SRCIN1: variants seen among roughly 807,000 people sequenced by gnomAD.
The protein encoded by SRCIN1 is SRC kinase signaling inhibitor 1.
Under a neutral mutation model 116.2 loss-of-function variants are expected in SRCIN1, and 50 were observed. The ratio of observed to expected loss-of-function variants is 0.43; its 90% confidence interval spans 0.34 to 0.54. SRCIN1 has a LOEUF of 0.54. SRCIN1 is among the 20% of genes least tolerant of loss of function. The probability of loss-of-function intolerance (pLI) is 0.02; values close to 1 mark genes in which losing one functional copy is unlikely to be tolerated. For missense variants in SRCIN1, 1,446 were observed against 1,672.0 expected (o/e 0.86, Z 2.36); for synonymous variants, 736 against 750.0 (o/e 0.98, Z 0.30).
At chr17:38,547,195 T>C (rs950828682) in intron 17 of SRCIN1, among the ~76,000 whole-genome samples, 3 of 152,212 alleles carry the variant, frequency 2.0e-5, no homozygotes, top group African/African-American at 7.2e-5. Context: ...TCGTAGGCCC[T>C]TGGGCTAGTG....
intron 16 of SRCIN1, 118 bp from the exon 17 acceptor site, chr17:38,548,827 C>A: frequency 7.2e-7 from 1 of 1,386,580 alleles, no homozygotes; most frequent in Non-Finnish European, 9.5e-7. Flanking sequence ...TGCTGCTACA[C>A]CCCTGCCAGG....
intron 16 of SRCIN1, 115 bp from the exon 17 acceptor site, chr17:38,548,824 A>C (rs1341454459): frequency 4.3e-6 from 6 of 1,393,530 alleles, no homozygotes; most frequent in Middle Eastern, 2.6e-4. Context: ...TTCTGCTGCT[A>C]CACCCCTGCC....
chr17:38,601,880 AGGGAGGAAGG>A (rs1212174089), intron 1 of SRCIN1, among the ~76,000 whole-genome samples: 2 of 151,992 alleles, frequency 1.3e-5, no homozygotes, highest in Admixed American at 6.6e-5. Context: ...GGGTGGTCAG[AGGGAGGAAGG>A]GGGAGGCAGA....
rs774634523 is a variant in SRCIN1, at chr17:38,549,199, C to T, written c.2974G>A (p.Val992Met). The T allele has an allele frequency of 8.5e-6, 13 of 1,537,604 alleles. No individual in the cohort carries two copies. The Admixed American group carries it at 9.4e-5, about 11-fold the overall frequency. Residue 992 changes from valine to methionine, a missense_variant, in exon 16 of 19, where the codon GTG (valine) becomes ATG (methionine). This residue lies in a region of SRCIN1 where 531 missense variants were observed against 633.9 expected (regional missense o/e 0.84). Transcript: ENST00000617146. ...SGRRGSDELT[V>M]PRYRTEKPSK... ...GGCTTCTCTGTGCGGTATCGGGGCA[C>T]GGTCAACTCATCTGCAGGCACCAAG...
rs1422667731 is a variant in SRCIN1, at chr17:38,551,242, C to T, written c.2875G>A (p.Ala959Thr). Reference sequence around the variant, plus strand: ...GGGGGCTTGTGATCTGGAGTGGGGGCCGGGCCTGGATGGGCCTTGCTGGCA... The same window carrying T: ...GGGGGCTTGTGATCTGGAGTGGGGGTCGGGCCTGGATGGGCCTTGCTGGCA... ...DCASKAHPGP[A>T]PTPDHKPPKA... Residue 959 changes from alanine to threonine, a missense_variant, in exon 15 of 19, where the codon GCC (alanine) becomes ACC (threonine). By Grantham distance (58) the Ala-to-Thr change is moderately conservative (BLOSUM62 0). Transcript: ENST00000617146. The T allele has an allele frequency of 1.2e-6, 2 of 1,611,470 alleles. No homozygotes were observed. Among genetic ancestry groups the T allele is most frequent in the Admixed American group, 3.3e-5 (2 of 59,988 alleles).
intron 2 of SRCIN1, among the ~76,000 whole-genome samples, chr17:38,574,043 A>G (rs1315637327): frequency 3.3e-5 from 5 of 151,946 alleles, no homozygotes; most frequent in Non-Finnish European, 4.4e-5. Context: ...AAAAGCCAAG[A>G]CTTTTTGTCC....
intron 17 of SRCIN1, chr17:38,547,838 C>A: frequency 1.1e-5 from 1 of 92,042 alleles, no homozygotes; most frequent in South Asian, 1.7e-4. Flanking sequence ...CAGCTGGCGG[C>A]GGGGCGTGGG....
In SRCIN1 at chr17:38,572,499, G is replaced by A. The variant is rs1192154215; in HGVS notation, c.325-4268C>T. Among the ~76,000 whole-genome samples the A allele has an allele frequency of 6.6e-6, 1 of 152,026 alleles. No individual in the cohort carries two copies. The highest frequency in any genetic ancestry group is 1.5e-5 in the Non-Finnish European group (1 of 67,966). On this transcript the variant is annotated intron_variant, in intron 2 of 18. Coordinates refer to ENST00000617146, the MANE Select transcript of SRCIN1 (RefSeq NM_025248.3). The surrounding 1 kb of genome is among the most constrained non-coding windows in gnomAD (Gnocchi z 4.3). Reference sequence around the variant, plus strand: ...GCCCACGCCGAAGGCACCTAATGCGGTGGGGGAGGGGAGGAGGCGTTTCTC... The same window carrying A: ...GCCCACGCCGAAGGCACCTAATGCGATGGGGGAGGGGAGGAGGCGTTTCTC...
chr17:38,533,387 C>G lies in SRCIN1; in HGVS notation c.3462G>C (p.Ser1154=), dbSNP rs921341756. The change falls in exon 19 of 19, where the codon TCG becomes TCC. Residue 1154 remains serine, a synonymous_variant. Coordinates refer to ENST00000617146, the MANE Select transcript of SRCIN1 (RefSeq NM_025248.3). ...SKEMSGSNET[S]SPVSEKPSAS... ...CCGAGGGCTTTTCTGAGACTGGGCT[C>G]GAGGTCTCATTCGACCCGCTCATCT... is the stretch of plus-strand genomic sequence containing the variant. 1 of 1,612,044 alleles carries G rather than the reference C, an allele frequency of 6.2e-7. No individual in the cohort carries two copies. Among genetic ancestry groups the G allele is most frequent in the Non-Finnish European group, 8.5e-7 (1 of 1,179,348 alleles).
At position 38,560,445 on chromosome 17, in the gene SRCIN1, G is replaced by A. The variant is rs1267944495; in HGVS notation, c.1701-20C>T. The stretch of plus-strand genomic sequence containing the variant: ...CGCTCCCTGGGGAGGAAGGGGGTCT[G>A]GGCAACCTCGCCTCTGAGCATAGGG... On this transcript the variant is annotated intron_variant, in intron 7 of 18. Transcript: ENST00000617146. 6.3e-7 allele frequency: 1 copy of A among 1,591,636 alleles called. No homozygotes were observed. The highest frequency in any genetic ancestry group is 8.6e-7 in the Non-Finnish European group (1 of 1,168,044).
chr17:38,604,623 G>C lies in SRCIN1; in HGVS notation c.22+1061C>G, dbSNP rs902779636. The C allele has an allele frequency of 1.2e-5, 5 of 431,336 alleles. No individual in the cohort carries two copies. The highest frequency in any genetic ancestry group is 2.3e-5 in the Non-Finnish European group (5 of 215,554). 26.7% of individuals were successfully genotyped at this position (431,336 alleles called of 1,614,324 possible). ...TGCATGGGGACGCGTGGGGCTGGGG[G>C]ACGAGCACCAGCAGCCGCACACGCC... On this transcript the variant is annotated intron_variant, in intron 1 of 18. Transcript: ENST00000617146. The surrounding 1 kb of genome is among the most constrained non-coding windows in gnomAD (Gnocchi z 4.3).
chr17:38,586,187 G>A (rs1908103113), intron 1 of SRCIN1, among the ~76,000 whole-genome samples: 1 of 152,226 alleles, frequency 6.6e-6, no homozygotes, highest in Non-Finnish European at 1.5e-5. Context: ...GGCAAGGCCA[G>A]GCAAGTTGTC....
chr17:38,562,653 G>T lies in SRCIN1; in HGVS notation c.834+174C>A, dbSNP rs190555304. ...AGTTAGCAAAATCCCGAGTGGACAG[G>T]CCCGGAATGGAGGGGAAAGTGGCAG... On this transcript the variant is annotated intron_variant, in intron 6 of 18. Coordinates refer to ENST00000617146, the MANE Select transcript of SRCIN1 (RefSeq NM_025248.3). This position sits in a 1 kb window ranked among gnomAD's most constrained non-coding sequence, Gnocchi z 4.2. 8.5e-4 allele frequency among the ~76,000 whole-genome samples: 130 copies of T among 152,356 alleles called. No homozygotes were observed. Among genetic ancestry groups the T allele is most frequent in the African/African-American group, 3.0e-3 (126 of 41,596 alleles).
intron 1 of SRCIN1, among the ~76,000 whole-genome samples, chr17:38,599,587 C>T (rs1232196307): frequency 6.6e-6 from 1 of 152,210 alleles, no homozygotes; most frequent in East Asian, 1.9e-4. Flanking sequence ...AGTGGCCACA[C>T]GCTGGGAGGT....
chr17:38,533,113 C>CAA lies in SRCIN1; in HGVS notation c.*182_*183dup, dbSNP rs55845463. 7.5e-5 allele frequency: 24 copies of CAA among 320,134 alleles called. No individual in the cohort carries two copies. In the South Asian group the frequency reaches 3.1e-3, roughly 42 times the overall value. The allele number at this position is 320,134 out of a possible 1,614,324, so 19.8% of individuals were successfully genotyped here. On this transcript the variant is annotated 3_prime_UTR_variant, in exon 19 of 19. Coordinates refer to ENST00000617146, the MANE Select transcript of SRCIN1 (RefSeq NM_025248.3). The stretch of plus-strand genomic sequence containing the variant: ...TAATTGTTAAAAAAAAAAAAAAAAA[C>CAA]AAAACCAAAAACACCAACAGATGAT...
At chr17:38,565,099 T>C (rs1291803069) in intron 3 of SRCIN1, among the ~76,000 whole-genome samples, 2 of 151,676 alleles carry the variant, frequency 1.3e-5, no homozygotes, top group African/African-American at 4.8e-5. Flanking sequence ...GAGGCTGATA[T>C]CTGGCTGGGG....
chr17:38,601,929 G>A (rs1243555491), intron 1 of SRCIN1, among the ~76,000 whole-genome samples: 4 of 152,084 alleles, frequency 2.6e-5, no homozygotes, highest in Non-Finnish European at 5.9e-5. Context: ...GTTAGAGAGA[G>A]AGACAGCAGG....
chr17:38,558,231 G>T lies in SRCIN1; in HGVS notation c.2197C>A (p.Leu733Ile). Residue 733 changes from leucine to isoleucine, a missense_variant, in exon 11 of 19, where the codon CTC (leucine) becomes ATC (isoleucine). Transcript: ENST00000617146. The surrounding 1 kb of genome is among the most constrained non-coding windows in gnomAD (Gnocchi z 4.6). ...CCGCCGCGGGCCCAGCCTCACTTGA[G>T]CTGCTGGGTAATAAGCTCCTCGTCG... ...LNDEELITQQ[L>I]NDLEKSVEKI... is the part of the protein sequence containing the mutation. 1 of 1,611,918 alleles carries T rather than the reference G, an allele frequency of 6.2e-7. No homozygotes were observed. Among genetic ancestry groups the T allele is most frequent in the Non-Finnish European group, 8.5e-7 (1 of 1,178,780 alleles).
intron 4 of SRCIN1, 100 bp downstream of exon 4, chr17:38,564,018 A>C: frequency 7.5e-7 from 1 of 1,333,742 alleles, no homozygotes. Flanking sequence ...GCAGAGCTTG[A>C]GGCGAGCTGG....
Sources: allele counts gnomAD v4.1 joint callset (sites outside exome capture counted in the v4.1 genomes callset), GRCh38; gene constraint gnomAD v4.1.1; regional missense constraint gnomAD v4.1.1; non-coding constraint Gnocchi (gnomAD v3.1); transcripts MANE v1.5; gene names NCBI Gene and HGNC (gene_info 2026-07-23, HGNC 2026-07-21).